The following CORO2B variants were observed in gnomAD, a reference collection of about 807,000 sequenced individuals.
CORO2B encodes the protein coronin-2B.
A neutral mutation model predicts 58.8 loss-of-function variants in CORO2B; 26 were observed. That is an observed-to-expected ratio of 0.44 (90% CI 0.32 to 0.61). CORO2B has a LOEUF of 0.61. CORO2B is among the 20% of genes least tolerant of loss of function. The pLI, the probability that CORO2B is intolerant of heterozygous loss-of-function variation, is 0.04. For synonymous variants in CORO2B, 242 were observed against 253.8 expected, an observed-to-expected ratio of 0.95 and a Z score of 0.44; for missense variants, 460 against 645.1, an observed-to-expected ratio of 0.71 and a Z score of 3.11.
At chr15:68,655,426 T>C (rs994383108) in intron 2 of CORO2B, among the ~76,000 whole-genome samples, 21 of 152,214 alleles carry the variant, frequency 1.4e-4, no homozygotes, top group East Asian at 1.9e-4. Context: ...CAGTCTTACA[T>C]TGACACAATG....
intron 1 of CORO2B, among the ~76,000 whole-genome samples, chr15:68,617,936 A>G (rs1195002573): frequency 3.9e-5 from 6 of 152,084 alleles, no homozygotes; most frequent in African/African-American, 1.4e-4. Context: ...GGATTACTAG[A>G]TTTTTCAATT....
intron 2 of CORO2B, among the ~76,000 whole-genome samples, chr15:68,679,891 A>G (rs561117648): frequency 1.6e-4 from 24 of 152,306 alleles, no homozygotes; most frequent in African/African-American, 5.8e-4. Flanking sequence ...GAGGTGGTGC[A>G]TCTCCTTCTC....
intron 1 of CORO2B, among the ~76,000 whole-genome samples, chr15:68,634,435 C>T (rs766332015): frequency 6.6e-6 from 1 of 152,178 alleles, no homozygotes; most frequent in Non-Finnish European, 1.5e-5. Flanking sequence ...TGTTCACACA[C>T]AGTATTATTT....
rs548210178 is a variant in CORO2B, at chr15:68,700,655, G to T, written c.333+5399G>T. ...CATCTGGCAGAATCCAGTTCTTTCC[G>T]CTGCTGGGTGATGTCACCTATTGTT... On this transcript the variant is annotated intron_variant, in intron 3 of 11. Transcript: ENST00000261861. Among the ~76,000 whole-genome samples the T allele has an allele frequency of 1.1e-4, 16 of 152,298 alleles. No homozygotes were observed. In the South Asian group the frequency reaches 3.1e-3, roughly 30 times the overall value.
In CORO2B at chr15:68,579,015, G is replaced by C. The variant is rs2140551125; in HGVS notation, c.-248G>C. ...TTTCTTCCTGCCTCGCCTTCCTGCG[G>C]CGAAGGAGGCTCATCTATTATAAAT... is the stretch of plus-strand genomic sequence containing the variant. On this transcript the variant is annotated 5_prime_UTR_variant, in exon 1 of 12. Transcript: ENST00000261861. 1.0e-6 allele frequency: 1 copy of C among 984,808 alleles called. No homozygotes were observed. 61.0% of individuals were successfully genotyped at this position (984,808 alleles called of 1,614,324 possible). A position where few individuals can be genotyped will look rare whatever the true frequency, so the allele number is the denominator to read the frequency against.
intron 2 of CORO2B, among the ~76,000 whole-genome samples, chr15:68,661,831 A>T (rs1902023724): frequency 6.6e-6 from 1 of 152,048 alleles, no homozygotes; most frequent in Non-Finnish European, 1.5e-5. Context: ...GCATGGCAAA[A>T]CCCCATCTCT....
chr15:68,580,403 T>C (rs1486458070), intron 1 of CORO2B, among the ~76,000 whole-genome samples: 1 of 98,000 alleles, frequency 1.0e-5, no homozygotes, highest in Non-Finnish European at 2.3e-5. Context: ...TGGGGCCAGA[T>C]GGAGGGTTGG....
chr15:68,575,577 G>GCGCCCCCC (rs370419859), upstream of CORO2B, among the ~76,000 whole-genome samples: 1 of 38,752 alleles, frequency 2.6e-5, no homozygotes, highest in Non-Finnish European at 5.7e-5. Context: ...CTTGTGATCT[G>GCGCCCCCC]CCCCCGCCTC....
At chr15:68,691,954 A>G (rs529483304) in intron 2 of CORO2B, among the ~76,000 whole-genome samples, 1 of 152,316 alleles carries the variant, frequency 6.6e-6, no homozygotes, top group South Asian at 2.1e-4. Context: ...GGAACACTCC[A>G]ATGCAGCTTT....
intron 2 of CORO2B, among the ~76,000 whole-genome samples, chr15:68,677,861 G>C (rs886603132): frequency 1.3e-5 from 2 of 152,138 alleles, no homozygotes; most frequent in African/African-American, 2.4e-5. Context: ...CCCCTCTACT[G>C]TGTCAAGAAC....
At chr15:68,534,235 T>TGC in the CORO2B span, among the ~76,000 whole-genome samples, 149 of 150,966 alleles carry the variant, frequency 9.9e-4, no homozygotes, top group African/African-American at 3.6e-3. Context: ...TGCATACACA[T>TGC]ACACACATGC....
chr15:68,618,125 C>T (rs1900414704), intron 1 of CORO2B, among the ~76,000 whole-genome samples: 1 of 152,162 alleles, frequency 6.6e-6, no homozygotes, highest in African/African-American at 2.4e-5. Flanking sequence ...CCAATACACA[C>T]ACATGCATAC....
chr15:68,545,514 C>T, the CORO2B span, among the ~76,000 whole-genome samples: 1 of 151,782 alleles, frequency 6.6e-6, no homozygotes, highest in Admixed American at 6.6e-5. Flanking sequence ...ATTGGCCTTC[C>T]CATCTTCTGG....
In CORO2B at chr15:68,726,071, C is replaced by T; in HGVS notation, c.*97C>T. 4.6e-6 allele frequency: 7 copies of T among 1,526,480 alleles called. No homozygotes were observed. Among genetic ancestry groups the T allele is most frequent in the Middle Eastern group, 1.7e-4 (1 of 5,890 alleles). 94.6% of individuals were successfully genotyped at this position (1,526,480 alleles called of 1,614,324 possible). A position where few individuals can be genotyped will look rare whatever the true frequency, so the allele number is the denominator to read the frequency against. On this transcript the variant is annotated 3_prime_UTR_variant, in exon 12 of 12. Coordinates refer to ENST00000261861, the MANE Select transcript of CORO2B (RefSeq NM_006091.5). Reference sequence around the variant, plus strand: ...AGTGACCCCAGAGACAGAGCCAGGACAGGAGTGGGGGCCAGCCTGAGGACC... The same window carrying T: ...AGTGACCCCAGAGACAGAGCCAGGATAGGAGTGGGGGCCAGCCTGAGGACC...
At chr15:68,724,125 C>A (rs1203681553) in intron 11 of CORO2B, among the ~76,000 whole-genome samples, 1 of 152,166 alleles carries the variant, frequency 6.6e-6, no homozygotes, top group Non-Finnish European at 1.5e-5. Flanking sequence ...TACCTTGAAC[C>A]CGGGAAGCGG....
chr15:68,673,666 G>C (rs770001120), intron 2 of CORO2B, among the ~76,000 whole-genome samples: 3 of 151,896 alleles, frequency 2.0e-5, no homozygotes, highest in Non-Finnish European at 4.4e-5. Flanking sequence ...GTGAAACCCC[G>C]TTTCTACTAA....
the CORO2B span, among the ~76,000 whole-genome samples, chr15:68,521,849 A>G: frequency 6.6e-6 from 1 of 151,784 alleles, no homozygotes; most frequent in African/African-American, 2.4e-5. Context: ...TCAAGCAAGT[A>G]GATGGGTTAG....
intron 8 of CORO2B, 24 bp from the exon 9 acceptor site, chr15:68,718,674 G>C: frequency 1.3e-6 from 2 of 1,593,120 alleles, no homozygotes; most frequent in Non-Finnish European, 1.7e-6. Context: ...GGACCCCATG[G>C]AGCCACATGT....
intron 2 of CORO2B, among the ~76,000 whole-genome samples, chr15:68,687,614 A>G (rs1280727383): frequency 6.6e-6 from 1 of 152,194 alleles, no homozygotes; most frequent in Non-Finnish European, 1.5e-5. Flanking sequence ...ATATAATTTT[A>G]TTTAATTTCA....
Sources: allele counts gnomAD v4.1 joint callset (sites outside exome capture counted in the v4.1 genomes callset), GRCh38; gene constraint gnomAD v4.1.1; transcripts MANE v1.5; gene names NCBI Gene and HGNC (gene_info 2026-07-23, HGNC 2026-07-21).